The following SENP1 variants were observed in gnomAD, a reference collection of about 807,000 sequenced individuals.
SENP1 encodes SUMO specific peptidase 1.
SENP1 carries 21 observed loss-of-function variants against 93.0 expected under a neutral mutation model. That is an observed-to-expected ratio of 0.23 (90% CI 0.16 to 0.33). SENP1 has a LOEUF of 0.33. SENP1 is among the 10% of genes least tolerant of loss of function. SENP1 has a pLI of 1.00. For synonymous variants in SENP1, 256 were observed against 259.6 expected, an observed-to-expected ratio of 0.99 and a Z score of 0.13; for missense variants, 591 against 758.7, an observed-to-expected ratio of 0.78 and a Z score of 2.60.
At chr12:48,085,107 A>C (rs1592428323) in intron 5 of SENP1, 1 of 1,386,004 alleles carries the variant, frequency 7.2e-7, no homozygotes, top group Admixed American at 1.7e-5. Flanking sequence ...AGACAAGGAC[A>C]CGGTGACTGG....
chr12:48,050,907 C>T lies in SENP1; in HGVS notation c.1408-1775G>A, dbSNP rs564647035. ...CAGATGATCTGCCAGTTACTGTAAGCGAAACCTTCCATAGGGGCAGACAGC... is the reference window on the plus strand; with the variant it reads ...CAGATGATCTGCCAGTTACTGTAAGTGAAACCTTCCATAGGGGCAGACAGC... On this transcript the variant is annotated intron_variant, in intron 13 of 17. Transcript: ENST00000549518. 2.0e-5 allele frequency among the ~76,000 whole-genome samples: 3 copies of T among 152,060 alleles called. No individual in the cohort carries two copies. The East Asian group carries it at 5.8e-4, about 29-fold the overall frequency.
chr12:48,069,665 A>C (rs942718764), intron 9 of SENP1, among the ~76,000 whole-genome samples: 2 of 152,180 alleles, frequency 1.3e-5, no homozygotes, highest in South Asian at 4.1e-4. Context: ...ATTAAGTGTA[A>C]GGTATCAATA....
chr12:48,068,302 C>A (rs1194551636), intron 9 of SENP1, among the ~76,000 whole-genome samples: 1 of 152,138 alleles, frequency 6.6e-6, no homozygotes, highest in Non-Finnish European at 1.5e-5. Flanking sequence ...TGCATTATTT[C>A]TCATATAATT....
At chr12:48,057,012 TATTACATATATA>T (rs1273809134) in intron 13 of SENP1, among the ~76,000 whole-genome samples, 1 of 45,982 alleles carries the variant, frequency 2.2e-5, no homozygotes, top group African/African-American at 1.8e-4. Context: ...ATATATTACA[TATTACATATATA>T]AATATATTAT....
At chr12:48,046,856 C>A (rs746045394) in intron 16 of SENP1, 122 bp downstream of exon 16, 12 of 647,140 alleles carry the variant, frequency 1.9e-5, no homozygotes, top group Non-Finnish European at 3.0e-5. Context: ...CAGAAACCAA[C>A]CAACCAAGCT....
intron 1 of SENP1, among the ~76,000 whole-genome samples, chr12:48,104,220 GA>G (rs772256640): frequency 9.9e-6 from 1 of 101,030 alleles, no homozygotes. Flanking sequence ...AAAAAAAGAA[GA>G]AAAAAATATA....
At chr12:48,105,827 C>A (rs1946511814) in intron 1 of SENP1, 14 of 596,226 alleles carry the variant, frequency 2.3e-5, no homozygotes, top group Middle Eastern at 8.8e-4. Context: ...TAACGGCCAC[C>A]GGCGGCCACA....
chr12:48,091,277 C>T (rs552159641), intron 4 of SENP1, among the ~76,000 whole-genome samples: 1 of 152,108 alleles, frequency 6.6e-6, no homozygotes, highest in Admixed American at 6.5e-5. Context: ...TGGTGAAACC[C>T]GTCTCTACTA....
chr12:48,079,087 C>T (rs931841022), intron 6 of SENP1, among the ~76,000 whole-genome samples: 1 of 152,020 alleles, frequency 6.6e-6, no homozygotes, highest in Non-Finnish European at 1.5e-5. Flanking sequence ...GAAGTTGAGG[C>T]GGCAGTGAGC....
intron 3 of SENP1, among the ~76,000 whole-genome samples, chr12:48,097,295 G>T (rs1298060494): frequency 6.6e-6 from 1 of 152,084 alleles, no homozygotes. Context: ...GAAATGTGTG[G>T]ATATATATTA....
At chr12:48,081,329 T>C (rs1294080631) in intron 6 of SENP1, 1 of 152,158 alleles carries the variant, frequency 6.6e-6, no homozygotes, top group Admixed American at 6.5e-5. Context: ...GGGCTCACTT[T>C]AGGAGCACAT....
intron 4 of SENP1, among the ~76,000 whole-genome samples, chr12:48,095,282 A>C (rs1428206981): frequency 6.6e-6 from 1 of 152,158 alleles, no homozygotes; most frequent in Non-Finnish European, 1.5e-5. Context: ...TACACCTGTA[A>C]TCCCAGCACT....
intron 13 of SENP1, among the ~76,000 whole-genome samples, chr12:48,063,118 G>C (rs1200983281): frequency 1.3e-5 from 2 of 152,156 alleles, no homozygotes; most frequent in African/African-American, 2.4e-5. Context: ...AAACTGTAGT[G>C]TAATTAATAT....
intron 4 of SENP1, among the ~76,000 whole-genome samples, chr12:48,091,162 T>A (rs1945201348): frequency 6.6e-6 from 1 of 152,134 alleles, no homozygotes; most frequent in South Asian, 2.1e-4. Flanking sequence ...AAAAAGAATG[T>A]GTCAAGACTG....
At chr12:48,092,487 AT>A (rs1321628155) in intron 4 of SENP1, among the ~76,000 whole-genome samples, 1 of 152,176 alleles carries the variant, frequency 6.6e-6, no homozygotes, top group Non-Finnish European at 1.5e-5. Context: ...TAAATTCCTG[AT>A]TTTTAGAAAG....
At chr12:48,093,971 T>C (rs554539522) in intron 4 of SENP1, among the ~76,000 whole-genome samples, 1 of 151,884 alleles carries the variant, frequency 6.6e-6, no homozygotes, top group Non-Finnish European at 1.5e-5. Context: ...CAAAAAAAAT[T>C]AAAATAAAAA....
chr12:48,082,344 T>C (rs933715253), intron 6 of SENP1, among the ~76,000 whole-genome samples: 6 of 152,218 alleles, frequency 3.9e-5, no homozygotes, highest in Admixed American at 2.0e-4. Context: ...GTAAGCTTCA[T>C]TGGGCAGGAA....
At chr12:48,089,077 A>G in intron 4 of SENP1, 117 bp from the exon 5 acceptor site, 1 of 1,541,660 alleles carries the variant, frequency 6.5e-7, no homozygotes, top group Non-Finnish European at 8.7e-7. Flanking sequence ...CATTTCTCTC[A>G]TGGAAGAAAG....
rs1050587518 is a variant in SENP1 at position 48,058,947 on chromosome 12, A to G, written c.1407+4763T>C. On this transcript the variant is annotated intron_variant, in intron 13 of 17. Transcript: ENST00000549518. Reference sequence around the variant, plus strand: ...TTCTTCTGCAGTACTTCAAAGATGTAGCTACATTGTCTTCTGGCCTGCATC... The same window carrying G: ...TTCTTCTGCAGTACTTCAAAGATGTGGCTACATTGTCTTCTGGCCTGCATC... 3.9e-5 allele frequency among the ~76,000 whole-genome samples: 6 copies of G among 152,322 alleles called. No homozygotes were observed. The East Asian group carries it at 1.2e-3, about 29-fold the overall frequency.
Sources: allele counts gnomAD v4.1 joint callset (sites outside exome capture counted in the v4.1 genomes callset), GRCh38; gene constraint gnomAD v4.1.1; transcripts MANE v1.5; gene names NCBI Gene and HGNC (gene_info 2026-07-23, HGNC 2026-07-21).